The following KCTD1 variants were observed in gnomAD, a reference collection of about 807,000 sequenced individuals.
KCTD1 encodes the protein BTB/POZ domain-containing protein KCTD1.
In KCTD1, 24 loss-of-function variants were observed where a neutral mutation model predicts 66.0. The ratio of observed to expected loss-of-function variants is 0.36; its 90% CI spans 0.26 to 0.51. KCTD1 has a LOEUF of 0.51. Ranked by LOEUF, KCTD1 falls within the 20% of genes least tolerant of loss-of-function variation. KCTD1 has a pLI of 0.95. For synonymous variants in KCTD1, 511 were observed against 517.2 expected, an observed-to-expected ratio of 0.99 and a Z score of 0.16; for missense variants, 943 against 1,205.2, an observed-to-expected ratio of 0.78 and a Z score of 3.22.
At chr18:26,500,572 G>A (rs1296426759) in intron 2 of KCTD1, among the ~76,000 whole-genome samples, 3 of 152,070 alleles carry the variant, frequency 2.0e-5, no homozygotes, top group Non-Finnish European at 4.4e-5. Flanking sequence ...TAAGTTCCAT[G>A]GCCCTTCATT....
chr18:26,479,179 C>T (rs2144609190), intron 2 of KCTD1, among the ~76,000 whole-genome samples: 1 of 152,372 alleles, frequency 6.6e-6, no homozygotes, highest in African/African-American at 2.4e-5. Flanking sequence ...GCTGGCCCCA[C>T]GAATAACCTA....
At position 26,548,507 on chromosome 18, in the gene KCTD1, A is replaced by G; in HGVS notation, c.30T>C (p.Cys10=). ...TGGCGCTGCCGCCCGCGCTGGTGTT[A>G]CAGTCCCCGCTGCCAGGCATTCTCG... MARMPGSGD[C]NTSAGGSASA... Residue 10 remains cysteine (C), a synonymous_variant, in exon 1 of 5, where the codon TGT becomes TGC. Transcript: ENST00000580059. 2.5e-6 allele frequency: 3 copies of G among 1,209,706 alleles called. No individual in the cohort carries two copies. The highest frequency in any genetic ancestry group is 3.1e-6 in the Non-Finnish European group (3 of 978,826). 74.9% of individuals were successfully genotyped at this position (1,209,706 alleles called of 1,614,324 possible). A position where few individuals can be genotyped will look rare whatever the true frequency, so the allele number is the denominator to read the frequency against.
At chr18:26,622,980 C>T (rs1987420239) in intron 1 of KCTD1, among the ~76,000 whole-genome samples, 1 of 152,190 alleles carries the variant, frequency 6.6e-6, no homozygotes, top group Non-Finnish European at 1.5e-5. Flanking sequence ...TCCTCTTATT[C>T]ATCATCTATA....
chr18:26,602,366 C>G (rs1986917678), intron 1 of KCTD1, among the ~76,000 whole-genome samples: 1 of 152,118 alleles, frequency 6.6e-6, no homozygotes, highest in African/African-American at 2.4e-5. Context: ...AAAATTTTTA[C>G]ATCTATATTT....
At chr18:26,549,947 G>A (rs1255658437), upstream of KCTD1, 2 of 306,994 alleles carry the variant, frequency 6.5e-6, no homozygotes, top group South Asian at 1.3e-4. Context: ...CCGGCCCAGG[G>A]GCAGCTTCCC....
upstream of KCTD1, among the ~76,000 whole-genome samples, chr18:26,644,128 T>C (rs561673890): frequency 4.6e-5 from 7 of 152,306 alleles, 1 homozygote; most frequent in African/African-American, 1.7e-4. Flanking sequence ...GTACACTCTG[T>C]GAGACCTTGG....
In KCTD1 at chr18:26,471,271, C is replaced by T. The variant is rs542461262; in HGVS notation, c.2133+5244G>A. On this transcript the variant is annotated intron_variant, in intron 3 of 4. Coordinates refer to ENST00000580059, the MANE Select transcript of KCTD1 (RefSeq NM_001142730.3). ...GATGACGCTTCTGTAATCTATAACACGCTGTACTCTTACACCCAAAGCTCG... is the reference window on the plus strand; with the variant it reads ...GATGACGCTTCTGTAATCTATAACATGCTGTACTCTTACACCCAAAGCTCG... Among the ~76,000 whole-genome samples, 17 of 151,918 alleles carry T rather than the reference C, an allele frequency of 1.1e-4. No individual in the cohort carries two copies. The South Asian group carries it at 1.7e-3, about 15-fold the overall frequency.
At chr18:26,656,934 A>C in intron 1 of KCTD1, among the ~76,000 whole-genome samples, 1 of 142,618 alleles carries the variant, frequency 7.0e-6, no homozygotes, top group African/African-American at 2.6e-5. Context: ...GCCGCGGCGG[A>C]GCGGCCGCGG....
chr18:26,516,384 G>T (rs929140769), intron 1 of KCTD1, among the ~76,000 whole-genome samples: 12 of 152,256 alleles, frequency 7.9e-5, no homozygotes, highest in Middle Eastern at 3.4e-3. Context: ...TATGAGAGAA[G>T]TTTGGAAGAA....
intron 1 of KCTD1, chr18:26,599,484 G>T (rs1305823998): frequency 5.6e-6 from 9 of 1,608,094 alleles, no homozygotes; most frequent in Non-Finnish European, 7.7e-6. Context: ...GGCTCTGAAA[G>T]GTCTGGTGGA....
At chr18:26,602,002 C>T (rs1986910245) in intron 1 of KCTD1, among the ~76,000 whole-genome samples, 1 of 152,028 alleles carries the variant, frequency 6.6e-6, no homozygotes, top group African/African-American at 2.4e-5. Context: ...ATTGCCCTTA[C>T]CAGAACCTCC....
intron 1 of KCTD1, among the ~76,000 whole-genome samples, chr18:26,652,952 G>C (rs1988063988): frequency 6.6e-6 from 1 of 152,088 alleles, no homozygotes; most frequent in Non-Finnish European, 1.5e-5. Flanking sequence ...TTCACCTATG[G>C]CCAACCCTTT....
At chr18:26,617,041 A>T (rs1454307280) in intron 1 of KCTD1, among the ~76,000 whole-genome samples, 4 of 152,224 alleles carry the variant, frequency 2.6e-5, no homozygotes, top group Admixed American at 6.5e-5. Flanking sequence ...AACTTTGCCC[A>T]GACTGTTAAG....
chr18:26,548,348 CT>C lies in KCTD1; in HGVS notation c.188del (p.Glu63GlyfsTer9), dbSNP rs1567989891. ...TTATCTGCACCTCCTGGATCTCGTC[CT>C]CCTCCTCCTCTTCCTCCTCCTCCTC... is the stretch of plus-strand genomic sequence containing the variant. The part of the protein sequence containing the change: ...AGEEEEEEEE[E>X]DEIQEVQITG... On this transcript the variant is annotated frameshift_variant, in exon 1 of 5. Transcript: ENST00000580059. LOFTEE classifies it high-confidence loss of function. 1.4e-6 allele frequency: 2 copies of C among 1,473,842 alleles called. No individual in the cohort carries two copies. Among genetic ancestry groups the C allele is most frequent in the South Asian group, 1.3e-5 (1 of 75,610 alleles). The allele number at this position is 1,473,842 out of a possible 1,614,324, so 91.3% of individuals were successfully genotyped here.
At chr18:26,522,603 TCAAC>T (rs1257109733) in intron 1 of KCTD1, among the ~76,000 whole-genome samples, 1 of 152,176 alleles carries the variant, frequency 6.6e-6, no homozygotes. Context: ...ATTAGACACT[TCAAC>T]CAACTGTAAC....
chr18:26,530,698 C>A (rs997393653), intron 1 of KCTD1, among the ~76,000 whole-genome samples: 1 of 152,224 alleles, frequency 6.6e-6, no homozygotes, highest in Non-Finnish European at 1.5e-5. Context: ...CTTGACTTAA[C>A]CTTCAGGGCA....
At chr18:26,550,715 C>G (rs1034595893), upstream of KCTD1, among the ~76,000 whole-genome samples, 1 of 152,258 alleles carries the variant, frequency 6.6e-6, no homozygotes, top group Non-Finnish European at 1.5e-5. This position sits in a 1 kb window ranked among gnomAD's most constrained non-coding sequence, Gnocchi z 5.4. Flanking sequence ...GCCGCACCCG[C>G]CCTGGACACG....
At chr18:26,599,549 C>A in intron 1 of KCTD1, 1 of 1,516,754 alleles carries the variant, frequency 6.6e-7, no homozygotes, top group Non-Finnish European at 9.2e-7. Context: ...AAACATGAAC[C>A]AGCTGTTGCA....
intron 4 of KCTD1, chr18:26,458,612 CGGTGCTCAGCACACATTAGCCTCT>C: frequency 6.6e-6 from 1 of 152,390 alleles, no homozygotes; most frequent in Non-Finnish European, 1.5e-5. Flanking sequence ...GGCAGAGAGT[CGGTGCTCAGCACACATTAGCCTCT>C]GAGTTCTCAA....
Sources: gnomAD v4.1 joint callset for allele counts (sites outside exome capture counted in the v4.1 genomes callset) on GRCh38, gnomAD v4.1.1 for gene constraint, Gnocchi (gnomAD v3.1) non-coding constraint, MANE v1.5 for transcripts, NCBI Gene and HGNC (gene_info 2026-07-23, HGNC 2026-07-21) for gene names.